The following TAF1B variants were observed in gnomAD, a reference collection of about 807,000 sequenced individuals.
TAF1B encodes TATA-box binding protein associated factor, RNA polymerase I subunit B, also known as TATA box-binding protein-associated factor RNA polymerase I subunit B.
A neutral mutation model predicts 83.9 loss-of-function variants in TAF1B; 61 were observed. The observed-to-expected ratio is 0.73, with a 90% confidence interval of 0.59 to 0.90. The LOEUF is 0.90. TAF1B is among the 40% of genes least tolerant of loss of function. TAF1B has a pLI of 0.00. For missense variants in TAF1B, 625 were observed against 677.0 expected (o/e 0.92, Z 0.85); for synonymous variants, 221 against 224.6 (o/e 0.98, Z 0.14).
chr2:9,913,283 C>T (rs12467598), intron 12 of TAF1B, 34 bp downstream of exon 12: 947,197 of 1,516,056 alleles, frequency 0.62, 306,509 homozygotes, highest in Non-Finnish European at 0.68. Flanking sequence ...ATGCACCTGC[C>T]TTACTTCTGT....
intron 5 of TAF1B, among the ~76,000 whole-genome samples, chr2:9,867,978 C>T (rs899913504): frequency 7.2e-5 from 11 of 152,134 alleles, no homozygotes; most frequent in Non-Finnish European, 1.2e-4. Context: ...CATTGATGCG[C>T]GATGTTTTCA....
intron 5 of TAF1B, among the ~76,000 whole-genome samples, chr2:9,866,381 T>A (rs1172907065): frequency 1.3e-5 from 2 of 151,824 alleles, no homozygotes; most frequent in African/African-American, 4.8e-5. Context: ...CAAAACCACA[T>A]TGAGATACCA....
Position 9,919,795 on chromosome 2 carries a change from C to A in TAF1B, c.1540C>A (p.Leu514Ile). The A allele has an allele frequency of 6.2e-7, 1 of 1,613,968 alleles. No homozygotes were observed. The highest frequency in any genetic ancestry group is 8.5e-7 in the Non-Finnish European group (1 of 1,179,922). Residue 514 changes from leucine (L) to isoleucine (I), a missense_variant, in exon 14 of 15, where the codon CTT becomes ATT. Transcript: ENST00000263663. The part of the protein sequence containing the change: ...SLLTKNSLYW[L>I]STQKFCRCYC... ...GCTGACTAAGAATTCATTATATTGG[C>A]TTAGTACACAGAAATTCTGCAGATG...
In TAF1B at chr2:9,898,796, A is replaced by G. The variant is rs116746419; in HGVS notation, c.808-6063A>G. Reference sequence around the variant, plus strand: ...GTGTAAGATAAAAGTAGATATTAGCAAGTGGTATAGATTTTGAATGTCTGT... The same window carrying G: ...GTGTAAGATAAAAGTAGATATTAGCGAGTGGTATAGATTTTGAATGTCTGT... On this transcript the variant is annotated intron_variant, in intron 8 of 14. Coordinates refer to ENST00000263663, the MANE Select transcript of TAF1B (RefSeq NM_005680.3). 3.9e-3 allele frequency among the ~76,000 whole-genome samples: 593 copies of G among 152,322 alleles called. 3 individuals carry two copies. Among genetic ancestry groups the G allele is most frequent in the African/African-American group, 0.013 (552 of 41,570 alleles).
chr2:9,925,881 C>T (rs1572293408), intron 14 of TAF1B, among the ~76,000 whole-genome samples: 1 of 152,202 alleles, frequency 6.6e-6, no homozygotes, highest in East Asian at 1.9e-4. Flanking sequence ...AACCAAGTGG[C>T]AGAGTTTTAT....
chr2:9,919,817 G>A lies in TAF1B; in HGVS notation c.1562G>A (p.Arg521Lys). 1.2e-6 allele frequency: 2 copies of A among 1,612,936 alleles called. No homozygotes were observed. The highest frequency in any genetic ancestry group is 1.7e-6 in the Non-Finnish European group (2 of 1,179,264). ...TGGCTTAGTACACAGAAATTCTGCA[G>A]ATGGTAATAATGCTTTTAGAAAAAG... Reference protein sequence around the residue: ...LYWLSTQKFCRCYCTHVTTYE... With the variant: ...LYWLSTQKFCKCYCTHVTTYE... The change falls in exon 14 of 15, where the codon AGA (arginine) becomes AAA (lysine). Residue 521 changes from arginine (R) to lysine (K), a missense_variant. Arg to Lys is a conservative substitution (Grantham distance 26, BLOSUM62 2). Coordinates refer to ENST00000263663, the MANE Select transcript of TAF1B (RefSeq NM_005680.3).
At chr2:9,889,776 T>C (rs1355066159) in intron 8 of TAF1B, among the ~76,000 whole-genome samples, 1 of 152,210 alleles carries the variant, frequency 6.6e-6, no homozygotes, top group Non-Finnish European at 1.5e-5. Flanking sequence ...TGGTTTGTTA[T>C]TAATAGTCCC....
chr2:9,852,120 C>A, intron 4 of TAF1B: 1 of 431,452 alleles, frequency 2.3e-6, no homozygotes, highest in Non-Finnish European at 4.8e-6. Context: ...ACCTGGAGTG[C>A]TTGAAAAAAC....
At chr2:9,883,265 A>G (rs759439042) in intron 8 of TAF1B, among the ~76,000 whole-genome samples, 10 of 152,174 alleles carry the variant, frequency 6.6e-5, no homozygotes, top group South Asian at 2.1e-4. Context: ...GATGTCTCCA[A>G]TGGAAGGGTT....
chr2:9,858,159 A>G (rs1388111042), intron 5 of TAF1B, among the ~76,000 whole-genome samples: 2 of 152,250 alleles, frequency 1.3e-5, no homozygotes, highest in Non-Finnish European at 2.9e-5. Context: ...AGATGAAATG[A>G]GGTTACAGGC....
chr2:9,903,246 C>A (rs938799091), intron 8 of TAF1B, among the ~76,000 whole-genome samples: 1 of 151,980 alleles, frequency 6.6e-6, no homozygotes, highest in African/African-American at 2.4e-5. Flanking sequence ...CCACCATGCC[C>A]GGTTAATTTT....
chr2:9,889,472 A>T (rs1664797137), intron 8 of TAF1B, among the ~76,000 whole-genome samples: 1 of 151,008 alleles, frequency 6.6e-6, no homozygotes. Context: ...TTCTCTTCTC[A>T]TTATGTTCTT....
rs1461638664 is a variant in TAF1B at position 9,911,558 on chromosome 2, G to A, written c.1180+1G>A. The A allele has an allele frequency of 2.0e-6, 3 of 1,514,650 alleles. No individual in the cohort carries two copies. Among genetic ancestry groups the A allele is most frequent in the Non-Finnish European group, 2.7e-6 (3 of 1,123,392 alleles). 93.8% of individuals were successfully genotyped at this position (1,514,650 alleles called of 1,614,324 possible). ...AAGCATAATGAAAAGAACAAAAAAG[G>A]TATTTTAATTTTTTATCATTCAAAT... On this transcript the variant is annotated splice_donor_variant, in intron 11 of 14. Transcript: ENST00000263663. LOFTEE classifies it high-confidence loss of function.
intron 7 of TAF1B, among the ~76,000 whole-genome samples, chr2:9,881,919 A>G (rs1664519544): frequency 6.6e-6 from 1 of 152,144 alleles, no homozygotes; most frequent in Non-Finnish European, 1.5e-5. Flanking sequence ...ATGTACCATT[A>G]TAGGTATTGG....
chr2:9,911,042 T>C lies in TAF1B; in HGVS notation c.1133+129T>C, dbSNP rs1436845430. ...AGAAAAAATTTGTACTGTATTTACCTAATTATATGTTATCTCAAAAAATGG... is the reference window on the plus strand; with the variant it reads ...AGAAAAAATTTGTACTGTATTTACCCAATTATATGTTATCTCAAAAAATGG... On this transcript the variant is annotated intron_variant, in intron 10 of 14. Coordinates refer to ENST00000263663, the MANE Select transcript of TAF1B (RefSeq NM_005680.3). The C allele has an allele frequency of 9.7e-6, 7 of 718,152 alleles. No individual in the cohort carries two copies. The Admixed American group carries it at 2.4e-4, about 25-fold the overall frequency. The allele number at this position is 718,152 out of a possible 1,614,324, so 44.5% of individuals were successfully genotyped here.
At chr2:9,894,960 A>C (rs1664973494) in intron 8 of TAF1B, among the ~76,000 whole-genome samples, 1 of 152,234 alleles carries the variant, frequency 6.6e-6, no homozygotes, top group Non-Finnish European at 1.5e-5. Flanking sequence ...CATATTAAGG[A>C]GGACTCCAAT....
chr2:9,904,828 T>G (rs750898192), intron 8 of TAF1B, 31 bp from the exon 9 acceptor site: 24 of 1,583,632 alleles, frequency 1.5e-5, no homozygotes, highest in Non-Finnish European at 1.9e-5. Context: ...TTGCAAAAAT[T>G]GCAACTATGA....
chr2:9,912,751 A>G (rs2052947), intron 11 of TAF1B, among the ~76,000 whole-genome samples: 10,011 of 152,194 alleles, frequency 0.066, 408 homozygotes, highest in East Asian at 0.17. Context: ...AAAAGTTGTG[A>G]TTTACTCCAG....
chr2:9,847,790 A>G (rs1572208687), intron 2 of TAF1B, among the ~76,000 whole-genome samples: 1 of 152,194 alleles, frequency 6.6e-6, no homozygotes, highest in Non-Finnish European at 1.5e-5. Context: ...CATGTTTACT[A>G]TAGAAAATTT....
Sources: gnomAD v4.1 joint callset for allele counts (sites outside exome capture counted in the v4.1 genomes callset) on GRCh38, gnomAD v4.1.1 for gene constraint, MANE v1.5 for transcripts, NCBI Gene and HGNC (gene_info 2026-07-23, HGNC 2026-07-21) for gene names.